The following DOCK9 variants were observed in gnomAD, a reference collection of about 807,000 sequenced individuals.
DOCK9 encodes dedicator of cytokinesis 9, also known as dedicator of cytokinesis protein 9.
Under a neutral mutation model 263.3 loss-of-function variants are expected in DOCK9, and 89 were observed. The observed-to-expected ratio is 0.34, with a 90% CI of 0.28 to 0.40. The LOEUF (loss-of-function observed/expected upper bound fraction) is 0.40, where lower values mean the gene tolerates loss of function less well. DOCK9 is among the 10% of genes least tolerant of loss of function. DOCK9 has a pLI of 1.00. For synonymous variants in DOCK9, 976 were observed against 973.1 expected (o/e 1.00, Z -0.06); for missense variants, 2,140 against 2,603.4 (o/e 0.82, Z 3.87).
chr13:98,822,450 G>C (rs1190258080), intron 45 of DOCK9, among the ~76,000 whole-genome samples: 1 of 152,124 alleles, frequency 6.6e-6, no homozygotes, highest in Non-Finnish European at 1.5e-5. Flanking sequence ...ATTGTTCCTG[G>C]CATCGTTGCT....
intron 38 of DOCK9, 84 bp from the exon 39 acceptor site, chr13:98,837,693 A>G (rs2093057291): frequency 3.0e-6 from 2 of 669,894 alleles, no homozygotes; most frequent in African/African-American, 4.5e-5. Flanking sequence ...TCAACTTTTG[A>G]TTATTCAGAA....
rs548853031 is a variant in DOCK9 at position 98,885,029 on chromosome 13, G to C, written c.2324C>G (p.Pro775Arg). The stretch of plus-strand genomic sequence containing the variant: ...GCCCGAAGGAAGGTTCGCCGAGACC[G>C]GGATGTGCTGCTCGCTTGTCACCAC... ...GRVVTSEQHI[P>R]VSANLPSGYL... The change falls in exon 21 of 53, where the codon CCG becomes CGG. Residue 775 changes from proline (P) to arginine (R), a missense_variant. Physicochemically the swap from Pro to Arg is moderately radical, Grantham distance 103. This residue lies in a region of DOCK9 where 1,521 missense variants were observed against 1,741.7 expected (regional missense o/e 0.87). Coordinates refer to ENST00000682017, the MANE Select transcript of DOCK9 (RefSeq NM_001366683.2). 1.2e-6 allele frequency: 2 copies of C among 1,613,544 alleles called. No homozygotes were observed. The highest frequency in any genetic ancestry group is 1.7e-5 in the Admixed American group (1 of 59,962).
intron 15 of DOCK9, among the ~76,000 whole-genome samples, chr13:98,893,506 T>A (rs2139151006): frequency 2.0e-5 from 3 of 152,336 alleles, no homozygotes; most frequent in Admixed American, 2.0e-4. Context: ...TCGGACAGAA[T>A]CGCTTTCTTA....
chr13:99,021,851 T>C (rs1886151561), intron 1 of DOCK9, among the ~76,000 whole-genome samples: 2 of 151,724 alleles, frequency 1.3e-5, no homozygotes, highest in South Asian at 2.1e-4. Flanking sequence ...TTAGGACAAA[T>C]ACCTAATGCA....
intron 39 of DOCK9, among the ~76,000 whole-genome samples, chr13:98,835,109 A>C (rs2092939546): frequency 6.6e-6 from 1 of 152,262 alleles, no homozygotes; most frequent in Non-Finnish European, 1.5e-5. Context: ...TCATGTAATA[A>C]TAATACCAGA....
chr13:98,809,553 G>A (rs2091098991), intron 46 of DOCK9, 88 bp from the exon 47 acceptor site: 3 of 1,099,404 alleles, frequency 2.7e-6, no homozygotes, highest in Non-Finnish European at 3.9e-6. Context: ...GAGGTGAAAA[G>A]TCCTTGAACT....
intron 24 of DOCK9, 84 bp downstream of exon 24, chr13:98,881,808 A>G: frequency 1.5e-6 from 2 of 1,323,424 alleles, no homozygotes; most frequent in Non-Finnish European, 2.1e-6. Context: ...TGTTCAGCAC[A>G]CAGTAGCATC....
intron 1 of DOCK9, chr13:99,015,673 C>G: frequency 6.7e-7 from 1 of 1,500,430 alleles, no homozygotes; most frequent in Non-Finnish European, 8.9e-7. Flanking sequence ...TCTTCCTTGG[C>G]TCTTCCGAAA....
At chr13:98,948,509 A>G (rs1235139823) in intron 2 of DOCK9, among the ~76,000 whole-genome samples, 1 of 152,248 alleles carries the variant, frequency 6.6e-6, no homozygotes, top group African/African-American at 2.4e-5. Flanking sequence ...CAGAAATCCT[A>G]TAACGAAATC....
At chr13:98,853,238 G>C (rs2093620277) in intron 35 of DOCK9, among the ~76,000 whole-genome samples, 170 bp downstream of exon 35, 1 of 152,128 alleles carries the variant, frequency 6.6e-6, no homozygotes, top group Non-Finnish European at 1.5e-5. Flanking sequence ...TTATTTCTAA[G>C]AACCTTAGTC....
chr13:99,067,338 C>T (rs918371130), intron 1 of DOCK9, among the ~76,000 whole-genome samples: 1 of 152,222 alleles, frequency 6.6e-6, no homozygotes, highest in Admixed American at 6.5e-5. Flanking sequence ...TTTTTCTCTG[C>T]TAACATCATC....
chr13:98,985,350 AC>A (rs1375329167), intron 1 of DOCK9, among the ~76,000 whole-genome samples: 1 of 145,844 alleles, frequency 6.9e-6, no homozygotes, highest in Non-Finnish European at 1.5e-5. Context: ...AGGCTCTATC[AC>A]CATCTGGCAT....
chr13:98,903,024 G>A lies in DOCK9; in HGVS notation c.1124C>T (p.Ser375Phe). The stretch of plus-strand genomic sequence containing the variant: ...GGCAACACAGCATTGCAAATTGAAA[G>A]ATAAATCATTGCACTTGACAAGGAT... ...KRILVKCNDL[S>F]FNLQCCVAEN... The change falls in exon 11 of 53, where the codon TCT becomes TTT. Residue 375 changes from serine to phenylalanine, a missense_variant. Physicochemically the swap from Ser to Phe is radical, Grantham distance 155 (BLOSUM62 -2). Transcript: ENST00000682017. The A allele has an allele frequency of 6.5e-7, 1 of 1,540,570 alleles. No individual in the cohort carries two copies. The highest frequency in any genetic ancestry group is 8.7e-7 in the Non-Finnish European group (1 of 1,143,444).
intron 49 of DOCK9, among the ~76,000 whole-genome samples, chr13:98,804,487 T>C (rs1385345014): frequency 6.6e-6 from 1 of 152,186 alleles, no homozygotes; most frequent in Admixed American, 6.5e-5. Flanking sequence ...GTGAGCTTCC[T>C]GGCAGAGGAG....
chr13:98,936,282 A>G (rs1350266304), intron 2 of DOCK9, among the ~76,000 whole-genome samples: 1 of 152,062 alleles, frequency 6.6e-6, no homozygotes, highest in Non-Finnish European at 1.5e-5. Context: ...ACCCCACCAG[A>G]TTGCAAATTC....
At chr13:98,797,880 C>T (rs1431478496) in intron 50 of DOCK9, among the ~76,000 whole-genome samples, 1 of 152,224 alleles carries the variant, frequency 6.6e-6, no homozygotes, top group Non-Finnish European at 1.5e-5. Flanking sequence ...CTACACTGAA[C>T]TAACAGGCCA....
At chr13:99,031,087 A>C (rs57874352) in intron 1 of DOCK9, among the ~76,000 whole-genome samples, 14,002 of 151,524 alleles carry the variant, frequency 0.092, 922 homozygotes, top group East Asian at 0.24. Flanking sequence ...TAGACTTTAT[A>C]ATAAATATCT....
In DOCK9 at chr13:99,015,457, G is replaced by C. The variant is rs1414871333; in HGVS notation, c.130-59906C>G. ...CAAGATAGCATTTACCAGCCAGGAG[G>C]AGATCAATAGTTCTGAATCTTCTTT... is the stretch of plus-strand genomic sequence containing the variant. On this transcript the variant is annotated intron_variant, in intron 1 of 32. Transcript: ENST00000427887. The C allele has an allele frequency of 2.5e-6, 4 of 1,594,218 alleles. No homozygotes were observed. The East Asian group carries it at 8.9e-5, about 36-fold the overall frequency.
intron 3 of DOCK9, among the ~76,000 whole-genome samples, chr13:98,928,531 A>G (rs754720001): frequency 6.6e-6 from 1 of 152,220 alleles, no homozygotes; most frequent in East Asian, 1.9e-4. Context: ...TCAAAAAACC[A>G]TATTTTTTTA....
Sources: gnomAD v4.1 joint callset for allele counts (sites outside exome capture counted in the v4.1 genomes callset) on GRCh38, gnomAD v4.1.1 for gene constraint, gnomAD v4.1.1 regional missense constraint, MANE v1.5 for transcripts, NCBI Gene and HGNC (gene_info 2026-07-23, HGNC 2026-07-21) for gene names.